CDKAL1: variants seen among roughly 807,000 people sequenced by gnomAD.
CDKAL1 encodes the protein CDKAL1 threonylcarbamoyladenosine tRNA methylthiotransferase, also known as threonylcarbamoyladenosine tRNA methylthiotransferase.
A neutral mutation model predicts 68.2 loss-of-function variants in CDKAL1; 32 were observed. The observed-to-expected ratio is 0.47, with a 90% confidence interval of 0.35 to 0.63. The LOEUF is 0.63. Ranked by LOEUF, CDKAL1 falls within the 30% of genes least tolerant of loss-of-function variation. The probability of loss-of-function intolerance (pLI) is 0.00; values close to 1 mark genes in which losing one functional copy is unlikely to be tolerated. For missense variants in CDKAL1, 606 were observed against 696.7 expected, an observed-to-expected ratio of 0.87 and a Z score of 1.47; for synonymous variants, 234 against 244.3, an observed-to-expected ratio of 0.96 and a Z score of 0.39.
At chr6:20,905,763 CA>C (rs1469738048) in intron 9 of CDKAL1, among the ~76,000 whole-genome samples, 1 of 152,028 alleles carries the variant, frequency 6.6e-6, no homozygotes, top group African/African-American at 2.4e-5. Flanking sequence ...CCTTGGAGCC[CA>C]GAAGCCAGTG....
At chr6:20,647,947 CGCCT>C (rs1424227383) in intron 4 of CDKAL1, among the ~76,000 whole-genome samples, 1 of 149,190 alleles carries the variant, frequency 6.7e-6, no homozygotes, top group Non-Finnish European at 1.5e-5. Flanking sequence ...TGGTGGTGGG[CGCCT>C]GTAATCCCAG....
chr6:20,723,060 A>G (rs374177260), intron 5 of CDKAL1, among the ~76,000 whole-genome samples: 20 of 152,276 alleles, frequency 1.3e-4, no homozygotes, highest in African/African-American at 4.8e-4. Context: ...CATCAACTGC[A>G]GGTACCCAGA....
chr6:21,045,804 C>T (rs201327), intron 11 of CDKAL1, among the ~76,000 whole-genome samples: 27,925 of 152,090 alleles, frequency 0.18, 2,681 homozygotes, highest in Middle Eastern at 0.24. Context: ...AAAATAACTT[C>T]ATGTGGGTAT....
chr6:21,018,796 G>T (rs1264964271), intron 11 of CDKAL1, among the ~76,000 whole-genome samples: 1 of 152,216 alleles, frequency 6.6e-6, no homozygotes, highest in East Asian at 1.9e-4. Flanking sequence ...AAGGTAGCTT[G>T]TGACTCTTTT....
At chr6:20,659,701 G>A (rs1239375994) in intron 5 of CDKAL1, among the ~76,000 whole-genome samples, 2 of 151,824 alleles carry the variant, frequency 1.3e-5, no homozygotes, top group East Asian at 1.9e-4. Context: ...CCTTGACTTC[G>A]CCATTTGGAT....
intron 11 of CDKAL1, among the ~76,000 whole-genome samples, chr6:21,045,810 G>C (rs947054893): frequency 1.1e-4 from 16 of 152,104 alleles, no homozygotes; most frequent in African/African-American, 3.6e-4. Flanking sequence ...ACTTCATGTG[G>C]GTATTTTTAT....
chr6:20,817,393 G>A (rs1430469858), intron 8 of CDKAL1, among the ~76,000 whole-genome samples: 2 of 151,890 alleles, frequency 1.3e-5, no homozygotes, highest in African/African-American at 2.4e-5. Context: ...CTGTCTCTTC[G>A]TAGTAAATTA....
intron 4 of CDKAL1, among the ~76,000 whole-genome samples, chr6:20,633,297 T>A (rs1299782917): frequency 2.0e-5 from 3 of 152,228 alleles, no homozygotes; most frequent in African/African-American, 7.2e-5. Flanking sequence ...CAACCTATGT[T>A]CTTTTGTGCC....
intron 9 of CDKAL1, among the ~76,000 whole-genome samples, chr6:20,862,673 A>ACGCGCGCG (rs1466280866): frequency 3.4e-5 from 5 of 146,458 alleles, no homozygotes; most frequent in Non-Finnish European, 5.9e-5. Context: ...GCGCGCGTGC[A>ACGCGCGCG]TGCGCGCGTG....
intron 15 of CDKAL1, among the ~76,000 whole-genome samples, chr6:21,208,010 T>C (rs1480705893): frequency 6.9e-6 from 1 of 145,520 alleles, no homozygotes; most frequent in Admixed American, 6.7e-5. Flanking sequence ...CCTCTTACTC[T>C]TTATGTCTTT....
intron 15 of CDKAL1, among the ~76,000 whole-genome samples, chr6:21,227,290 G>A (rs1429215033): frequency 6.6e-6 from 1 of 152,054 alleles, no homozygotes; most frequent in Non-Finnish European, 1.5e-5. Flanking sequence ...TTACATGTTT[G>A]AGCATCTTGG....
intron 9 of CDKAL1, among the ~76,000 whole-genome samples, chr6:20,888,959 A>G (rs1199101422): frequency 1.3e-5 from 2 of 152,196 alleles, no homozygotes; most frequent in African/African-American, 2.4e-5. Flanking sequence ...GACTTGCACA[A>G]TGGTTGAACT....
At chr6:21,173,257 T>C (rs1777462010) in intron 13 of CDKAL1, among the ~76,000 whole-genome samples, 1 of 152,082 alleles carries the variant, frequency 6.6e-6, no homozygotes, top group African/African-American at 2.4e-5. Context: ...GTGGATGTTG[T>C]TGGAGTTGTT....
intron 9 of CDKAL1, among the ~76,000 whole-genome samples, chr6:20,942,111 T>C (rs1029345691): frequency 6.6e-6 from 1 of 152,128 alleles, no homozygotes; most frequent in African/African-American, 2.4e-5. Flanking sequence ...AGATGTTTTA[T>C]AAAATAGAAA....
chr6:21,055,580 T>C (rs1176157656), intron 11 of CDKAL1, among the ~76,000 whole-genome samples: 5 of 152,174 alleles, frequency 3.3e-5, no homozygotes, highest in Admixed American at 6.5e-5. Flanking sequence ...GTCTGTGTGT[T>C]CACATTGTTC....
At chr6:21,071,475 G>A (rs888028794) in intron 12 of CDKAL1, among the ~76,000 whole-genome samples, 1 of 152,140 alleles carries the variant, frequency 6.6e-6, no homozygotes, top group Non-Finnish European at 1.5e-5. Context: ...CCCAGTCTCA[G>A]GCATTTCTTT....
intron 15 of CDKAL1, among the ~76,000 whole-genome samples, chr6:21,215,545 C>G (rs976380914): frequency 6.6e-6 from 1 of 152,152 alleles, no homozygotes; most frequent in African/African-American, 2.4e-5. Flanking sequence ...CAGTTTCAAC[C>G]TGAGATCTAA....
intron 12 of CDKAL1, among the ~76,000 whole-genome samples, chr6:21,087,758 T>G (rs1014355525): frequency 1.3e-5 from 2 of 152,088 alleles, no homozygotes; most frequent in African/African-American, 2.4e-5. Flanking sequence ...TATAAATGTA[T>G]ATTTAATTAT....
At chr6:20,634,327 G>A (rs1561983709) in intron 4 of CDKAL1, among the ~76,000 whole-genome samples, 1 of 152,196 alleles carries the variant, frequency 6.6e-6, no homozygotes, top group Non-Finnish European at 1.5e-5. Flanking sequence ...TATTTTATGT[G>A]TAGTAAATTC....
Sources: allele counts gnomAD v4.1 joint callset (sites outside exome capture counted in the v4.1 genomes callset), GRCh38; gene constraint gnomAD v4.1.1; transcripts MANE v1.5; gene names NCBI Gene and HGNC (gene_info 2026-07-23, HGNC 2026-07-21).